The following TTC23 variants were observed in gnomAD, a reference collection of about 807,000 sequenced individuals.
TTC23 encodes tetratricopeptide repeat protein 23.
Under a neutral mutation model 55.1 loss-of-function variants are expected in TTC23, and 58 were observed. The ratio of observed to expected loss-of-function variants is 1.05; its 90% CI spans 0.85 to 1.31. The LOEUF (loss-of-function observed/expected upper bound fraction) is 1.31. TTC23 is among the 50% of genes most tolerant of loss of function. TTC23 has a pLI of 0.00. For synonymous variants in TTC23, 203 were observed against 199.9 expected (o/e 1.02, Z -0.13); for missense variants, 516 against 534.4 (o/e 0.97, Z 0.34).
intron 8 of TTC23, among the ~76,000 whole-genome samples, chr15:99,210,546 G>C (rs2076963508): frequency 6.6e-6 from 1 of 152,228 alleles, no homozygotes; most frequent in African/African-American, 2.4e-5. Flanking sequence ...TGCTGGAGAA[G>C]AGCAGGATGT....
At position 99,199,801 on chromosome 15, in the gene TTC23, G is replaced by A. The variant is rs1044489561; in HGVS notation, c.759+118C>T. On this transcript the variant is annotated intron_variant, in intron 9 of 13. Coordinates refer to ENST00000394132, the MANE Select transcript of TTC23 (RefSeq NM_001288615.3). Reference sequence around the variant, plus strand: ...GTTGAGCATCTACTCTAGGCCAACTGTTGTCCTTATCTAGAGCAAATGACA... The same window carrying A: ...GTTGAGCATCTACTCTAGGCCAACTATTGTCCTTATCTAGAGCAAATGACA... The A allele has an allele frequency of 4.8e-6, 5 of 1,035,052 alleles. No individual in the cohort carries two copies. In the African/African-American group the frequency reaches 6.5e-5, roughly 13 times the overall value. 64.1% of individuals were successfully genotyped at this position (1,035,052 alleles called of 1,614,324 possible).
At chr15:99,243,965 T>A (rs1257864842) in intron 2 of TTC23, among the ~76,000 whole-genome samples, 1 of 152,124 alleles carries the variant, frequency 6.6e-6, no homozygotes, top group Non-Finnish European at 1.5e-5. Flanking sequence ...TTAAAATAAC[T>A]AAAAGAGTAG....
chr15:99,233,356 C>T (rs2079073610), intron 4 of TTC23, among the ~76,000 whole-genome samples: 1 of 152,148 alleles, frequency 6.6e-6, no homozygotes, highest in South Asian at 2.1e-4. Context: ...GACATCACTA[C>T]AGATTCTACA....
intron 9 of TTC23, among the ~76,000 whole-genome samples, chr15:99,190,280 G>GTT (rs71149450): frequency 2.9e-5 from 4 of 135,874 alleles, no homozygotes; most frequent in South Asian, 2.3e-4. Flanking sequence ...GTTTGTTTTT[G>GTT]TTTTTTTTTT....
chr15:99,203,625 C>A (rs911266525), intron 8 of TTC23, among the ~76,000 whole-genome samples: 3 of 152,108 alleles, frequency 2.0e-5, no homozygotes, highest in African/African-American at 7.2e-5. Context: ...ATCTCCCACT[C>A]CCTACTCCCC....
At chr15:99,237,098 C>A (rs1778279947) in intron 3 of TTC23, among the ~76,000 whole-genome samples, 1 of 151,922 alleles carries the variant, frequency 6.6e-6, no homozygotes, top group African/African-American at 2.4e-5. Flanking sequence ...TCTCCTGCCT[C>A]AGCCTCCTGA....
chr15:99,203,663 GCTCT>G (rs1364879541), intron 8 of TTC23, among the ~76,000 whole-genome samples: 1 of 149,786 alleles, frequency 6.7e-6, no homozygotes, highest in Admixed American at 6.6e-5. Context: ...CCATCATTCT[GCTCT>G]CTATCTCCAT....
At chr15:99,141,643 A>T (rs1041843182) in intron 12 of TTC23, among the ~76,000 whole-genome samples, 1 of 152,202 alleles carries the variant, frequency 6.6e-6, no homozygotes, top group Non-Finnish European at 1.5e-5. Context: ...TTACTACTGA[A>T]GCCTGTTTAT....
chr15:99,148,193 T>G (rs2069185629), intron 12 of TTC23, among the ~76,000 whole-genome samples: 1 of 151,394 alleles, frequency 6.6e-6, no homozygotes, highest in African/African-American at 2.4e-5. Flanking sequence ...AAACCCCATC[T>G]CAACTAAAAA....
At chr15:99,207,526 G>A (rs1484099469) in intron 8 of TTC23, among the ~76,000 whole-genome samples, 3 of 152,162 alleles carry the variant, frequency 2.0e-5, no homozygotes, top group Admixed American at 6.5e-5. Flanking sequence ...TGGGGAGGCC[G>A]AGGCAGGTGG....
At chr15:99,139,820 T>C (rs1421779985) in intron 12 of TTC23, 3 of 1,139,304 alleles carry the variant, frequency 2.6e-6, no homozygotes, top group Non-Finnish European at 3.5e-6. Flanking sequence ...ATAGGCTGTC[T>C]ATACTCTTGA....
intron 8 of TTC23, among the ~76,000 whole-genome samples, chr15:99,207,249 C>A (rs968575829): frequency 3.3e-5 from 5 of 152,146 alleles, no homozygotes; most frequent in African/African-American, 1.2e-4. Flanking sequence ...AAAATCAAGG[C>A]AAACTACACA....
intron 9 of TTC23, among the ~76,000 whole-genome samples, chr15:99,190,737 T>C (rs1237534936): frequency 6.6e-6 from 1 of 152,140 alleles, no homozygotes; most frequent in Non-Finnish European, 1.5e-5. Flanking sequence ...GCTGCATGCA[T>C]ATTTGAATTC....
intron 9 of TTC23, among the ~76,000 whole-genome samples, chr15:99,198,170 G>A (rs2075901673): frequency 6.6e-6 from 1 of 152,038 alleles, no homozygotes; most frequent in Admixed American, 6.6e-5. Context: ...TTGAGCACCA[G>A]CCCCAATTAT....
At chr15:99,179,110 G>C (rs1488932120) in intron 9 of TTC23, among the ~76,000 whole-genome samples, 1 of 152,202 alleles carries the variant, frequency 6.6e-6, no homozygotes, top group Non-Finnish European at 1.5e-5. Flanking sequence ...GCACAGTGTA[G>C]CTGAAGGACC....
intron 4 of TTC23, among the ~76,000 whole-genome samples, chr15:99,228,985 C>CACAT (rs1471622210): frequency 1.3e-5 from 2 of 152,008 alleles, no homozygotes; most frequent in Non-Finnish European, 2.9e-5. Context: ...TATATAAACA[C>CACAT]ACATACATAC....
intron 1 of TTC23, among the ~76,000 whole-genome samples, chr15:99,247,728 G>C (rs2080375013): frequency 1.4e-5 from 1 of 72,806 alleles, no homozygotes; most frequent in Non-Finnish European, 3.0e-5. Context: ...TGGGCACAAA[G>C]TATTTTTTTA....
chr15:99,177,901 T>C (rs547338971), intron 9 of TTC23, among the ~76,000 whole-genome samples: 101 of 152,298 alleles, frequency 6.6e-4, no homozygotes, highest in African/African-American at 2.4e-3. Flanking sequence ...TGAGTCAGGC[T>C]GGGCATGCTG....
chr15:99,225,370 G>C (rs2078308993), intron 5 of TTC23, among the ~76,000 whole-genome samples: 2 of 152,154 alleles, frequency 1.3e-5, no homozygotes, highest in South Asian at 4.1e-4. Context: ...GAGGAACCTT[G>C]GAAATCATCT....
Sources: allele counts gnomAD v4.1 joint callset (sites outside exome capture counted in the v4.1 genomes callset), GRCh38; gene constraint gnomAD v4.1.1; transcripts MANE v1.5; gene names NCBI Gene and HGNC (gene_info 2026-07-23, HGNC 2026-07-21).